The following PCDHA3 variants were observed in gnomAD, a reference collection of about 807,000 sequenced individuals.
The protein encoded by PCDHA3 is protocadherin alpha 3, also known as protocadherin alpha-3.
In PCDHA3, 41 loss-of-function variants were observed where a neutral mutation model predicts 62.2. That is an observed-to-expected ratio of 0.66 (90% CI 0.51 to 0.86). The LOEUF (loss-of-function observed/expected upper bound fraction) is 0.86. PCDHA3 is among the 40% of genes least tolerant of loss of function. PCDHA3 has a pLI of 0.00. For missense variants in PCDHA3, 1,304 were observed against 1,241.2 expected, an observed-to-expected ratio of 1.05 and a Z score of -0.76; for synonymous variants, 640 against 555.4, an observed-to-expected ratio of 1.15 and a Z score of -2.14.
chr5:140,982,373 T>C, intron 2 of PCDHA3, 102 bp from the exon 3 acceptor site: 1 of 1,559,640 alleles, frequency 6.4e-7, no homozygotes, highest in Non-Finnish European at 8.7e-7. Context: ...ATGTGTTAGC[T>C]GCAGCCCTGG....
intron 1 of PCDHA3, chr5:140,850,121 G>T (rs2150468757): frequency 6.3e-7 from 1 of 1,595,960 alleles, no homozygotes; most frequent in Non-Finnish European, 8.6e-7. Flanking sequence ...ACGCGGGCGT[G>T]CCGCCTCTGG....
At chr5:140,984,247 C>G (rs1394918677) in intron 3 of PCDHA3, among the ~76,000 whole-genome samples, 2 of 152,138 alleles carry the variant, frequency 1.3e-5, no homozygotes, top group Non-Finnish European at 2.9e-5. Flanking sequence ...GTAGGTCGAC[C>G]TGGTAAGCCA....
chr5:140,934,741 T>TATG (rs2090025323), intron 1 of PCDHA3, among the ~76,000 whole-genome samples: 1 of 152,144 alleles, frequency 6.6e-6, no homozygotes, highest in Non-Finnish European at 1.5e-5. Flanking sequence ...TAGGTGTCAT[T>TATG]ATGAACTCAT....
At chr5:140,807,492 G>T in intron 1 of PCDHA3, 5 of 1,613,712 alleles carry the variant, frequency 3.1e-6, no homozygotes, top group Non-Finnish European at 8.5e-7. Context: ...AGCGCGGAGT[G>T]CAGCATCCAC....
chr5:140,902,024 C>T (rs1554190174), intron 1 of PCDHA3, among the ~76,000 whole-genome samples: 5 of 152,016 alleles, frequency 3.3e-5, no homozygotes, highest in Non-Finnish European at 1.5e-5. Flanking sequence ...TATAGAAATA[C>T]TACTAATTTT....
At chr5:140,922,927 T>C (rs1257564815) in intron 1 of PCDHA3, among the ~76,000 whole-genome samples, 1 of 152,214 alleles carries the variant, frequency 6.6e-6, no homozygotes, top group Non-Finnish European at 1.5e-5. Flanking sequence ...TTCAGACTTT[T>C]ACTTCCAGCA....
At chr5:140,947,622 G>C (rs1435558526) in intron 1 of PCDHA3, among the ~76,000 whole-genome samples, 1 of 151,534 alleles carries the variant, frequency 6.6e-6, no homozygotes, top group East Asian at 1.9e-4. Context: ...TAACAATATT[G>C]AGTCATCAGA....
chr5:140,852,884 T>TA lies in PCDHA3; in HGVS notation c.2394+49294dup, dbSNP rs1237249071. On this transcript the variant is annotated intron_variant, in intron 1 of 3. Transcript: ENST00000522353. ...CTATGTCATCAATAATCATAAAACG[T>TA]ATTTTTTTTTTTGAGTCAGAGTCTC... The TA allele has an allele frequency of 2.1e-6, 2 of 931,694 alleles. 1 individual carries two copies. The highest frequency in any genetic ancestry group is 3.6e-5 in the African/African-American group (2 of 55,516). The allele number at this position is 931,694 out of a possible 1,614,324, so 57.7% of individuals were successfully genotyped here.
In PCDHA3 at chr5:140,829,829, C is replaced by G. The variant is rs2150175564; in HGVS notation, c.2394+26238C>G. The G allele has an allele frequency of 1.2e-5, 19 of 1,613,904 alleles. No individual in the cohort carries two copies. In the East Asian group the frequency reaches 3.6e-4, roughly 30 times the overall value. ...TGGTACTGGTGGTGCAGTGAGCGAG[C>G]TGGTGCCGCGGTCACTGGGTGCAGG... On this transcript the variant is annotated intron_variant, in intron 1 of 3. Transcript: ENST00000522353.
chr5:140,891,270 C>T (rs1049558993), intron 1 of PCDHA3, among the ~76,000 whole-genome samples: 1 of 151,570 alleles, frequency 6.6e-6, no homozygotes, highest in East Asian at 1.9e-4. Context: ...TTAATTTTTC[C>T]GTAAGTTATT....
intron 3 of PCDHA3, among the ~76,000 whole-genome samples, chr5:141,009,392 G>A (rs1016452113): frequency 2.6e-5 from 4 of 152,184 alleles, no homozygotes; most frequent in Non-Finnish European, 4.4e-5. Flanking sequence ...ACAGGAGGTC[G>A]AGGCTGCAGT....
Position 140,803,561 on chromosome 5 carries a change from A to G in PCDHA3, c.2364A>G (p.Lys788=), listed in dbSNP as rs1261554487. Residue 788 remains lysine, a synonymous_variant, in exon 1 of 4, where the codon AAA becomes AAG. Transcript: ENST00000522353. The part of the protein sequence containing the change: ...PCPISRDREE[K]QDVDVDLSAK... ...CAATTAGCCGGGATAGAGAGGAGAA[A>G]CAGGATGTGGACGTTGATCTCTCAG... 1.2e-6 allele frequency: 2 copies of G among 1,614,232 alleles called. No homozygotes were observed. The highest frequency in any genetic ancestry group is 1.7e-5 in the Admixed American group (1 of 60,030).
rs537367595 is a variant in PCDHA3, at chr5:140,855,783, A to G, written c.2394+52192A>G. The G allele has an allele frequency of 2.9e-4, 123 of 423,664 alleles. 6 individuals carry two copies. Among genetic ancestry groups the G allele is most frequent in the Non-Finnish European group, 4.5e-4 (106 of 237,548 alleles). 26.2% of individuals were successfully genotyped at this position (423,664 alleles called of 1,614,324 possible). On this transcript the variant is annotated intron_variant, in intron 1 of 3. Coordinates refer to ENST00000522353, the MANE Select transcript of PCDHA3 (RefSeq NM_018906.3). ...TCCATAGACATAAAAATACGTAAAA[A>G]AAGAATTAACATATGAATGAAAGAA...
chr5:140,968,262 A>G, intron 1 of PCDHA3: 5 of 1,614,054 alleles, frequency 3.1e-6, no homozygotes, highest in Non-Finnish European at 4.2e-6. Flanking sequence ...CCAGATGAAA[A>G]GGAGAATGCA....
At chr5:140,890,917 G>C (rs1465334645) in intron 1 of PCDHA3, among the ~76,000 whole-genome samples, 3 of 152,116 alleles carry the variant, frequency 2.0e-5, no homozygotes, top group Non-Finnish European at 4.4e-5. Context: ...AATAATTTGA[G>C]AGTTTCCTTT....
intron 1 of PCDHA3, chr5:140,875,832 C>A: frequency 1.2e-6 from 2 of 1,614,086 alleles, no homozygotes; most frequent in South Asian, 1.1e-5. Flanking sequence ...TCCATGTGGA[C>A]GTGGAGGTGA....
Position 140,802,128 on chromosome 5 carries a change from G to A in PCDHA3, c.931G>A (p.Glu311Lys), listed in dbSNP as rs782244607. Residue 311 changes from glutamate to lysine, a missense_variant, in exon 1 of 4, where the codon GAG becomes AAG. By Grantham distance (56) the Glu-to-Lys change is moderately conservative (BLOSUM62 1). Transcript: ENST00000522353. The part of the protein sequence containing the change: ...QISVKGNIDF[E>K]ESKSYEIQVE... ...CAGTGTAAAGGGTAACATAGATTTC[G>A]AGGAAAGTAAGTCATATGAAATCCA... 2 of 1,614,194 alleles carry A rather than the reference G, an allele frequency of 1.2e-6. No homozygotes were observed. The highest frequency in any genetic ancestry group is 2.2e-5 in the East Asian group (1 of 44,892).
chr5:140,892,534 T>C (rs1554185241), intron 1 of PCDHA3, among the ~76,000 whole-genome samples: 2 of 152,254 alleles, frequency 1.3e-5, no homozygotes, highest in African/African-American at 2.4e-5. Context: ...CTCAGGATTC[T>C]GACTTTTGTT....
At chr5:140,948,819 A>G (rs1332127797) in intron 1 of PCDHA3, among the ~76,000 whole-genome samples, 5 of 151,420 alleles carry the variant, frequency 3.3e-5, no homozygotes, top group Middle Eastern at 3.4e-3. Context: ...TTTCTATTTC[A>G]TTAATTTCTG....
Sources: gnomAD v4.1 joint callset for allele counts (sites outside exome capture counted in the v4.1 genomes callset) on GRCh38, gnomAD v4.1.1 for gene constraint, MANE v1.5 for transcripts, NCBI Gene and HGNC (gene_info 2026-07-23, HGNC 2026-07-21) for gene names.